Variants in FBXW10 observed in about 807,000 individuals in gnomAD.
The protein encoded by FBXW10 is F-box and WD repeat domain containing 10.
FBXW10 carries 68 observed loss-of-function variants against 113.1 expected under a neutral mutation model. The observed-to-expected ratio is 0.60, with a 90% confidence interval of 0.49 to 0.74. FBXW10 has a LOEUF of 0.74. FBXW10 is among the 30% of genes least tolerant of loss of function. FBXW10 has a pLI of 0.00. For missense variants in FBXW10, 753 were observed against 1,284.5 expected, an observed-to-expected ratio of 0.59 and a Z score of 6.32; for synonymous variants, 289 against 481.6, an observed-to-expected ratio of 0.60 and a Z score of 5.24.
intron 6 of FBXW10, among the ~76,000 whole-genome samples, chr17:18,756,670 T>A (rs1315161532): frequency 6.6e-6 from 1 of 152,090 alleles, no homozygotes; most frequent in Non-Finnish European, 1.5e-5. Context: ...CAAAGTACTA[T>A]AGATATCTTC....
rs773630301 is a variant in FBXW10 at position 18,758,521 on chromosome 17, G to C, written c.1433+16G>C. On this transcript the variant is annotated intron_variant, in intron 7 of 13. Coordinates refer to ENST00000395665, the MANE Select transcript of FBXW10 (RefSeq NM_001267585.2). Reference sequence around the variant, plus strand: ...TAAGTATCAGGTGAGGAGTCCAAAGGCATCATGATCCCTGTCCCACCTAGG... The same window carrying C: ...TAAGTATCAGGTGAGGAGTCCAAAGCCATCATGATCCCTGTCCCACCTAGG... 1 of 1,613,460 alleles carries C rather than the reference G, an allele frequency of 6.2e-7. No homozygotes were observed. Among genetic ancestry groups the C allele is most frequent in the South Asian group, 1.1e-5 (1 of 91,058 alleles).
At chr17:18,754,819 C>T (rs1453904797) in intron 5 of FBXW10, among the ~76,000 whole-genome samples, 1 of 152,136 alleles carries the variant, frequency 6.6e-6, no homozygotes, top group Non-Finnish European at 1.5e-5. Context: ...ATGAAAGCGC[C>T]CTTGTCACGA....
chr17:18,775,734 G>A (rs758853846), intron 13 of FBXW10, among the ~76,000 whole-genome samples: 1 of 152,194 alleles, frequency 6.6e-6, no homozygotes, highest in African/African-American at 2.4e-5. Flanking sequence ...CACCTTTTAA[G>A]AAGTGTTGCT....
intron 7 of FBXW10, among the ~76,000 whole-genome samples, chr17:18,762,153 G>T (rs1233631357): frequency 8.0e-6 from 1 of 125,548 alleles, no homozygotes; most frequent in Non-Finnish European, 1.7e-5. Flanking sequence ...TAGTAGAGAC[G>T]GGGTTTCACT....
intron 9 of FBXW10, 54 bp downstream of exon 9, chr17:18,766,916 G>T: frequency 6.7e-7 from 1 of 1,495,154 alleles, no homozygotes. Context: ...GGAGATGGGT[G>T]GGCTCCCCCT....
rs533742647 is a variant in FBXW10 at position 18,752,814 on chromosome 17, G to A, written c.1122+1761G>A. 1.3e-3 allele frequency among the ~76,000 whole-genome samples: 202 copies of A among 152,252 alleles called. 2 individuals carry two copies. The highest frequency in any genetic ancestry group is 0.011 in the South Asian group (51 of 4,826). On this transcript the variant is annotated intron_variant, in intron 5 of 13. Coordinates refer to ENST00000395665, the MANE Select transcript of FBXW10 (RefSeq NM_001267585.2). ...CCCATTTTATAGATAAAGAAACTGA[G>A]GCTCAGAGAGGTCAAGCTCTCCCAG...
intron 11 of FBXW10, among the ~76,000 whole-genome samples, chr17:18,771,979 T>C (rs1215614234): frequency 2.0e-5 from 3 of 152,054 alleles, no homozygotes; most frequent in Non-Finnish European, 4.4e-5. Context: ...TGGTGGTGCG[T>C]ACCTGTAATC....
chr17:18,744,736 GAAC>G lies in FBXW10; in HGVS notation c.495_497del (p.Asn166del). The G allele has an allele frequency of 6.2e-7, 1 of 1,613,428 alleles. No individual in the cohort carries two copies. The highest frequency in any genetic ancestry group is 8.5e-7 in the Non-Finnish European group (1 of 1,179,444). On this transcript the variant is annotated inframe_deletion, in exon 1 of 14. Coordinates refer to ENST00000395665, the MANE Select transcript of FBXW10 (RefSeq NM_001267585.2). ...TCAGAGTCCTGTTTCTGAGAGAGGA[GAAC>G]AATATCTCAGGTAAACAAGGCCACA... is the stretch of plus-strand genomic sequence containing the variant.
chr17:18,757,604 G>A (rs1188209044), intron 6 of FBXW10, among the ~76,000 whole-genome samples: 1 of 152,172 alleles, frequency 6.6e-6, no homozygotes, highest in African/African-American at 2.4e-5. Flanking sequence ...TTATTATTGC[G>A]CCCCTGTACT....
chr17:18,774,600 C>A (rs1341247737), intron 12 of FBXW10, among the ~76,000 whole-genome samples: 1 of 152,000 alleles, frequency 6.6e-6, no homozygotes, highest in Non-Finnish European at 1.5e-5. Flanking sequence ...TTGAGACCAG[C>A]CTGACAAACA....
intron 9 of FBXW10, among the ~76,000 whole-genome samples, chr17:18,767,185 C>G (rs2035513862): frequency 6.6e-6 from 1 of 151,898 alleles, no homozygotes; most frequent in South Asian, 2.1e-4. Context: ...GTATTGCACT[C>G]TGTAGGGCCA....
chr17:18,777,490 G>A (rs1309835020), intron 13 of FBXW10, among the ~76,000 whole-genome samples: 1 of 151,890 alleles, frequency 6.6e-6, no homozygotes, highest in Middle Eastern at 3.2e-3. Flanking sequence ...AAATTTATAA[G>A]ATCTGCTTTG....
At chr17:18,763,989 C>A (rs1363100985) in intron 7 of FBXW10, among the ~76,000 whole-genome samples, 1 of 146,188 alleles carries the variant, frequency 6.8e-6, no homozygotes, top group Non-Finnish European at 1.5e-5. Context: ...AAATTCTTTA[C>A]TGTGGGGCCT....
intron 2 of FBXW10, among the ~76,000 whole-genome samples, chr17:18,748,453 T>C (rs1428160756): frequency 7.1e-6 from 1 of 140,338 alleles, no homozygotes; most frequent in East Asian, 2.0e-4. Flanking sequence ...ATGCAACCAA[T>C]GTGAGATTGG....
chr17:18,744,202 T>C lies in FBXW10; in HGVS notation c.-43T>C, dbSNP rs762601352. On this transcript the variant is annotated 5_prime_UTR_variant, in exon 1 of 14. Transcript: ENST00000395665. The stretch of plus-strand genomic sequence containing the variant: ...CCTCTAGTGTTTGGTGGCGTTGCCG[T>C]TGCAAGTGCGCAGGGCTAAAATGGA... 5 of 1,532,898 alleles carry C rather than the reference T, an allele frequency of 3.3e-6. No homozygotes were observed. The highest frequency in any genetic ancestry group is 1.3e-5 in the South Asian group (1 of 79,554). 95.0% of individuals were successfully genotyped at this position (1,532,898 alleles called of 1,614,324 possible).
rs2034997881 is a variant in FBXW10 at position 18,744,431 on chromosome 17, C to T, written c.187C>T (p.Gln63Ter). 1.2e-6 allele frequency: 2 copies of T among 1,613,564 alleles called. No individual in the cohort carries two copies. Among genetic ancestry groups the T allele is most frequent in the Non-Finnish European group, 1.7e-6 (2 of 1,179,816 alleles). Residue 63 changes from glutamine (Q) to a stop codon, truncating the protein, a stop_gained, in exon 1 of 14, where the codon CAG becomes TAG. Coordinates refer to ENST00000395665, the MANE Select transcript of FBXW10 (RefSeq NM_001267585.2). LOFTEE classifies it high-confidence loss of function. ...GAGGTTTCTAGTTGGCATTCTGAAG[C>T]AGTTAAATAGCTTATATTTGTTACA... ...QRRFLVGILK[Q>*]LNSLYLLHYF...
At chr17:18,766,883 C>G (rs759049953) in intron 9 of FBXW10, 21 bp downstream of exon 9, 112 of 1,566,152 alleles carry the variant, frequency 7.2e-5, no homozygotes, top group Non-Finnish European at 9.6e-5. Context: ...AGTGGGCTAC[C>G]TTGGCGGAAA....
intron 12 of FBXW10, among the ~76,000 whole-genome samples, chr17:18,774,531 T>C (rs79883718): frequency 6.6e-6 from 1 of 152,226 alleles, no homozygotes; most frequent in South Asian, 2.1e-4. Flanking sequence ...CAGTGACTCA[T>C]GCCTGTAATC....
At chr17:18,753,891 AAG>A (rs982921642) in intron 5 of FBXW10, among the ~76,000 whole-genome samples, 2 of 151,944 alleles carry the variant, frequency 1.3e-5, no homozygotes, top group African/African-American at 4.8e-5. Context: ...AAAAAAAAGA[AAG>A]AGAGAGAAAA....
Sources: gnomAD v4.1 joint callset for allele counts (sites outside exome capture counted in the v4.1 genomes callset) on GRCh38, gnomAD v4.1.1 for gene constraint, MANE v1.5 for transcripts, NCBI Gene and HGNC (gene_info 2026-07-23, HGNC 2026-07-21) for gene names.